The following MPDZ variants were observed in gnomAD, a reference collection of about 807,000 sequenced individuals.
MPDZ encodes the protein multiple PDZ domain crumbs cell polarity complex component.
In MPDZ, 234 loss-of-function variants were observed where a neutral mutation model predicts 239.1. That is an observed-to-expected ratio of 0.98 (90% CI 0.88 to 1.09). The LOEUF is 1.09. Ranked by LOEUF, MPDZ falls within the 50% of genes least tolerant of loss-of-function variation. MPDZ has a pLI of 0.00. For missense variants in MPDZ, 3,175 were observed against 2,510.0 expected, an observed-to-expected ratio of 1.26 and a Z score of -5.66; for synonymous variants, 1,048 against 881.3, an observed-to-expected ratio of 1.19 and a Z score of -3.35.
At chr9:13,109,926 A>G (rs770498971) in intron 45 of MPDZ, 26 bp downstream of exon 45, 8 of 1,556,642 alleles carry the variant, frequency 5.1e-6, no homozygotes, top group Admixed American at 5.1e-5. Flanking sequence ...GAAAAATGAT[A>G]CACTAATCAT....
intron 12 of MPDZ, among the ~76,000 whole-genome samples, chr9:13,198,505 T>C (rs1564010653): frequency 6.6e-6 from 1 of 152,020 alleles, no homozygotes. Context: ...ATCAGATGGG[T>C]AGCTTGAACA....
chr9:13,158,238 G>A, intron 23 of MPDZ, 128 bp from the exon 24 acceptor site: 4 of 666,672 alleles, frequency 6.0e-6, no homozygotes, highest in Non-Finnish European at 1.0e-5. Context: ...ATGGCCATAA[G>A]TATAAAATAT....
intron 13 of MPDZ, 39 bp downstream of exon 13, chr9:13,196,082 G>A (rs151142536): frequency 7.3e-7 from 1 of 1,374,750 alleles, no homozygotes; most frequent in Non-Finnish European, 1.0e-6. Context: ...CTCAAATACA[G>A]TTACAAGTTA....
rs1178861847 is a variant in MPDZ at position 13,121,725 on chromosome 9, C to A, written c.5231+14G>T. The A allele has an allele frequency of 1.2e-6, 2 of 1,613,398 alleles. No homozygotes were observed. Among genetic ancestry groups the A allele is most frequent in the South Asian group, 1.1e-5 (1 of 91,058 alleles). ...TTTCCAAGGGAGCATTGGGTTTGTC[C>A]TCCTCAATCACACCTTTTACCAACA... On this transcript the variant is annotated intron_variant, in intron 38 of 46. Transcript: ENST00000319217.
chr9:13,157,992 G>C lies in MPDZ; in HGVS notation c.3452+26C>G, dbSNP rs571346927. 3 of 1,584,374 alleles carry C rather than the reference G, an allele frequency of 1.9e-6. No homozygotes were observed. The African/African-American group carries it at 4.0e-5, about 21-fold the overall frequency. On this transcript the variant is annotated intron_variant, in intron 24 of 46. Coordinates refer to ENST00000319217, the MANE Select transcript of MPDZ (RefSeq NM_001378778.1). ...TTTAAACACTATATATCCATTGGGT[G>C]GACAGAAGACAGAAATAGTCCTTAC...
chr9:13,115,222 C>A lies in MPDZ; in HGVS notation c.5466+26G>T, dbSNP rs771733686. ...TCCTCTTGGCATGCCGATTGCATCG[C>A]CCTGATGAACTCCACAGCTACCCAC... is the stretch of plus-strand genomic sequence containing the variant. On this transcript the variant is annotated intron_variant, in intron 40 of 46. Coordinates refer to ENST00000319217, the MANE Select transcript of MPDZ (RefSeq NM_001378778.1). 2.4e-5 allele frequency: 38 copies of A among 1,593,236 alleles called. No homozygotes were observed. The South Asian group carries it at 3.5e-4, about 15-fold the overall frequency.
chr9:13,244,577 T>C (rs1451706243), intron 3 of MPDZ, among the ~76,000 whole-genome samples: 1 of 152,194 alleles, frequency 6.6e-6, no homozygotes, highest in African/African-American at 2.4e-5. Context: ...ACATCAATTA[T>C]ATTCTCAGAC....
chr9:13,203,639 A>G (rs1046081399), intron 12 of MPDZ, among the ~76,000 whole-genome samples: 3 of 151,964 alleles, frequency 2.0e-5, no homozygotes, highest in African/African-American at 7.2e-5. Context: ...CAGATGCATT[A>G]AAGTCACTTA....
At chr9:13,220,588 T>A (rs115900141) in intron 7 of MPDZ, among the ~76,000 whole-genome samples, 2 of 151,974 alleles carry the variant, frequency 1.3e-5, no homozygotes, top group Admixed American at 6.6e-5. Context: ...TGCTAACTAA[T>A]GTTTAAAAGG....
At chr9:13,108,853 G>C in intron 46 of MPDZ, 83 bp downstream of exon 46, 1 of 1,421,548 alleles carries the variant, frequency 7.0e-7, no homozygotes, top group Non-Finnish European at 9.6e-7. Context: ...CATTACCTCA[G>C]GCCATAAACT....
At chr9:13,165,213 T>C (rs539471546) in intron 22 of MPDZ, among the ~76,000 whole-genome samples, 1 of 152,278 alleles carries the variant, frequency 6.6e-6, no homozygotes, top group East Asian at 1.9e-4. Context: ...GGATTTTATG[T>C]TCTTACTTAA....
chr9:13,160,773 A>C (rs1950360530), intron 23 of MPDZ, among the ~76,000 whole-genome samples: 1 of 145,668 alleles, frequency 6.9e-6, no homozygotes. Context: ...GGAAAAAAAT[A>C]GATGGTTGCA....
intron 1 of MPDZ, among the ~76,000 whole-genome samples, chr9:13,259,251 C>T (rs979598755): frequency 2.6e-5 from 4 of 151,818 alleles, no homozygotes; most frequent in Admixed American, 6.6e-5. Flanking sequence ...TGGGTTCAAG[C>T]GATTCTCCTG....
At chr9:13,129,614 T>A (rs1945649971) in intron 32 of MPDZ, among the ~76,000 whole-genome samples, 2 of 152,180 alleles carry the variant, frequency 1.3e-5, no homozygotes, top group African/African-American at 4.8e-5. Flanking sequence ...GTGCATATAG[T>A]CCTTAGCAAG....
Position 13,189,010 on chromosome 9 carries a change from G to T in MPDZ, c.2155-17C>A, listed in dbSNP as rs745738722. ...AATTGGATCCTGACAGAAGGCAAAAGGAAAGAGTCAGCTCATTTTACAAAG... is the reference window on the plus strand; with the variant it reads ...AATTGGATCCTGACAGAAGGCAAAATGAAAGAGTCAGCTCATTTTACAAAG... On this transcript the variant is annotated splice_polypyrimidine_tract_variant and intron_variant, in intron 16 of 46. Coordinates refer to ENST00000319217, the MANE Select transcript of MPDZ (RefSeq NM_001378778.1). 1.2e-6 allele frequency: 2 copies of T among 1,602,636 alleles called. No homozygotes were observed. Among genetic ancestry groups the T allele is most frequent in the South Asian group, 2.2e-5 (2 of 89,838 alleles).
rs757248491 is a variant in MPDZ at position 13,125,304 on chromosome 9, T to C, written c.4719A>G (p.Ala1573=). 4 of 1,613,762 alleles carry C rather than the reference T, an allele frequency of 2.5e-6. No individual in the cohort carries two copies. In the African/African-American group the frequency reaches 5.3e-5, roughly 22 times the overall value. ...ENPDSQAVPS[A]AGAASGEKKN... ...TTTTTTCTCCACTGGCTGCACCAGC[T>C]GCTGAAGGAACAGCCTGGGAATCTG... Residue 1573 remains alanine, a synonymous_variant, in exon 35 of 47, where the codon GCA becomes GCG. Coordinates refer to ENST00000319217, the MANE Select transcript of MPDZ (RefSeq NM_001378778.1).
At chr9:13,271,723 G>T (rs776219426) in intron 1 of MPDZ, among the ~76,000 whole-genome samples, 2 of 151,998 alleles carry the variant, frequency 1.3e-5, no homozygotes, top group Non-Finnish European at 2.9e-5. Context: ...GAATGAATAC[G>T]CACCATAAGA....
intron 26 of MPDZ, among the ~76,000 whole-genome samples, chr9:13,146,008 T>C (rs1948386025): frequency 6.6e-6 from 1 of 152,066 alleles, no homozygotes; most frequent in Non-Finnish European, 1.5e-5. Flanking sequence ...ATGCTGTGTC[T>C]ATGTTTAACA....
chr9:13,126,219 T>C (rs1945091889), intron 34 of MPDZ, among the ~76,000 whole-genome samples: 1 of 152,206 alleles, frequency 6.6e-6, no homozygotes, highest in Non-Finnish European at 1.5e-5. Flanking sequence ...TTAAAAAATA[T>C]TTTGGCACTA....
Sources: allele counts gnomAD v4.1 joint callset (sites outside exome capture counted in the v4.1 genomes callset), GRCh38; gene constraint gnomAD v4.1.1; transcripts MANE v1.5; gene names NCBI Gene and HGNC (gene_info 2026-07-23, HGNC 2026-07-21).